Variants in ARL17B observed in about 807,000 individuals in gnomAD.
ARL17B encodes the protein ADP-ribosylation factor-like protein 17.
chr17:46,278,396 A>AT (rs1255080603), intron 4 of ARL17B, among the ~76,000 whole-genome samples: 45 of 136,118 alleles, frequency 3.3e-4, no homozygotes, highest in East Asian at 1.8e-3. Context: ...GTTTTGTTTT[A>AT]TTTTGTTTTT....
At chr17:46,326,947 T>C (rs2093500921) in intron 3 of ARL17B, among the ~76,000 whole-genome samples, 1 of 70,264 alleles carries the variant, frequency 1.4e-5, no homozygotes, top group East Asian at 2.7e-4. Flanking sequence ...ATTTACGTAT[T>C]GGAAAAAATT....
At position 46,306,484 on chromosome 17, in the gene ARL17B, G is replaced by T. The variant is rs1182814881; in HGVS notation, c.260-6819C>A. ...ACAAAGAGGCCAAGAGACTTATGTAGCTTATATATGACCTCCTCTGCTTGT... is the reference window on the plus strand; with the variant it reads ...ACAAAGAGGCCAAGAGACTTATGTATCTTATATATGACCTCCTCTGCTTGT... On this transcript the variant is annotated intron_variant, in intron 3 of 4. Coordinates refer to the ARL17B transcript ENST00000434041. Among the ~76,000 whole-genome samples, 3 of 75,540 alleles carry T rather than the reference G, an allele frequency of 4.0e-5. 1 individual carries two copies. In the Admixed American group the frequency reaches 4.2e-4, roughly 11 times the overall value. 49.6% of individuals were successfully genotyped at this position (75,540 alleles called of 152,430 possible). A position where few individuals can be genotyped will look rare whatever the true frequency, so the allele number is the denominator to read the frequency against.
chr17:46,283,770 G>T (rs2049833129), intron 4 of ARL17B, among the ~76,000 whole-genome samples: 1 of 152,332 alleles, frequency 6.6e-6, no homozygotes. Flanking sequence ...GCCGGCCTCT[G>T]AGTTCCCTTC....
chr17:46,340,897 C>G lies in ARL17B; in HGVS notation c.260-1123G>C, dbSNP rs2052506335. On this transcript the variant is annotated intron_variant, in intron 3 of 3. Transcript: ENST00000450673. ...GGATCTCTAGCCTAGAAAAAGGGACCTCTTTTATTCTTTTTTTTTTTTTTT... is the reference window on the plus strand; with the variant it reads ...GGATCTCTAGCCTAGAAAAAGGGACGTCTTTTATTCTTTTTTTTTTTTTTT... Among the ~76,000 whole-genome samples, 3 of 81,056 alleles carry G rather than the reference C, an allele frequency of 3.7e-5. 1 individual carries two copies. Among genetic ancestry groups the G allele is most frequent in the African/African-American group, 1.1e-4 (3 of 28,100 alleles). 53.2% of individuals were successfully genotyped at this position (81,056 alleles called of 152,430 possible). A position where few individuals can be genotyped will look rare whatever the true frequency, so the allele number is the denominator to read the frequency against.
At chr17:46,287,937 C>T (rs571758215) in intron 4 of ARL17B, among the ~76,000 whole-genome samples, 2 of 152,312 alleles carry the variant, frequency 1.3e-5, no homozygotes, top group African/African-American at 4.8e-5. Context: ...TTGATAGGCA[C>T]AGTGTAGGAA....
intron 4 of ARL17B, among the ~76,000 whole-genome samples, chr17:46,278,213 T>A (rs1411799194): frequency 6.6e-6 from 1 of 152,178 alleles, no homozygotes; most frequent in Non-Finnish European, 1.5e-5. Flanking sequence ...TCCCAAGTGC[T>A]GGGATTACAG....
At chr17:46,340,390 A>T (rs1358325432) in intron 3 of ARL17B, among the ~76,000 whole-genome samples, 17 of 48,210 alleles carry the variant, frequency 3.5e-4, no homozygotes, top group South Asian at 1.6e-3. Flanking sequence ...TAATTTTTGT[A>T]TTTTTAGTAG....
chr17:46,278,395 T>C (rs2049652824), intron 4 of ARL17B, among the ~76,000 whole-genome samples: 1 of 143,104 alleles, frequency 7.0e-6, no homozygotes, highest in South Asian at 2.1e-4. Flanking sequence ...TGTTTTGTTT[T>C]ATTTTGTTTT....
At chr17:46,284,760 G>GATA (rs1173871491) in intron 4 of ARL17B, among the ~76,000 whole-genome samples, 3 of 152,256 alleles carry the variant, frequency 2.0e-5, no homozygotes, top group Non-Finnish European at 4.4e-5. Context: ...TGTGATGTTA[G>GATA]ATAACATTCA....
intron 4 of ARL17B, among the ~76,000 whole-genome samples, chr17:46,285,932 A>G (rs566832753): frequency 1.2e-4 from 19 of 152,364 alleles, no homozygotes; most frequent in African/African-American, 4.3e-4. Context: ...TCAACTCCTC[A>G]TCATCCTTCT....
chr17:46,275,938 T>A (rs2049575001), intron 4 of ARL17B, among the ~76,000 whole-genome samples: 1 of 152,166 alleles, frequency 6.6e-6, no homozygotes, highest in African/African-American at 2.4e-5. Flanking sequence ...GTCCCCAGGC[T>A]GTAGTGCAAA....
chr17:46,350,558 G>GT lies in ARL17B; in HGVS notation c.259+2261dup, dbSNP rs1178176931. On this transcript the variant is annotated intron_variant, in intron 3 of 3. Coordinates refer to ENST00000450673, the MANE Select transcript of ARL17B (RefSeq NM_001039083.5). Reference sequence around the variant, plus strand: ...CCAAATCCAGAATGTGGAATAAGCAGTTAAAAAAAAAAAAAAAGGGGGGGG... The same window carrying GT: ...CCAAATCCAGAATGTGGAATAAGCAGTTTAAAAAAAAAAAAAAAGGGGGGGG... 4.4e-5 allele frequency among the ~76,000 whole-genome samples: 3 copies of GT among 68,780 alleles called. 1 individual carries two copies. The East Asian group carries it at 9.7e-4, about 22-fold the overall frequency. The allele number at this position is 68,780 out of a possible 152,430, so 45.1% of individuals were successfully genotyped here. A position where few individuals can be genotyped will look rare whatever the true frequency, so the allele number is the denominator to read the frequency against.
intron 4 of ARL17B, among the ~76,000 whole-genome samples, chr17:46,291,985 A>AAAAAAAAAAAAAGAAAAAAAAC (rs1360524355): frequency 1.3e-5 from 1 of 76,592 alleles, no homozygotes; most frequent in Non-Finnish European, 2.8e-5. Flanking sequence ...AAAAAAAAAA[A>AAAAAAAAAAAAAGAAAAAAAAC]AAGCCAATAA....
intron 4 of ARL17B, among the ~76,000 whole-genome samples, chr17:46,290,722 T>C (rs62073177): frequency 6.6e-6 from 1 of 151,086 alleles, no homozygotes; most frequent in Non-Finnish European, 1.5e-5. Context: ...GCTGGGATTA[T>C]AGGCATGAGC....
intron 4 of ARL17B, among the ~76,000 whole-genome samples, chr17:46,285,241 CTTTTTT>C (rs56201620): frequency 2.2e-5 from 3 of 138,424 alleles, no homozygotes; most frequent in Non-Finnish European, 4.7e-5. Context: ...CTTTTCTTTC[CTTTTTT>C]TTTTTTTTTT....
chr17:46,286,802 C>G (rs1438162121), intron 4 of ARL17B, among the ~76,000 whole-genome samples: 3 of 152,278 alleles, frequency 2.0e-5, no homozygotes, highest in Non-Finnish European at 4.4e-5. Context: ...CTCACTGTGA[C>G]TGCAGGTGTT....
Position 46,292,732 on chromosome 17 carries a change from C to T in ARL17B, c.*21+6794G>A, listed in dbSNP as rs2941959. ...TTAAGAATGATTGCGCTACAGCTTTCGAAAACTATAATGCCTTTCAAATAT... is the reference window on the plus strand; with the variant it reads ...TTAAGAATGATTGCGCTACAGCTTTTGAAAACTATAATGCCTTTCAAATAT... On this transcript the variant is annotated intron_variant, in intron 4 of 4. Coordinates refer to the ARL17B transcript ENST00000570618. 1.1e-4 allele frequency: 9 copies of T among 78,772 alleles called. 2 individuals are homozygous for T. The highest frequency in any genetic ancestry group is 5.9e-4 in the South Asian group (1 of 1,698). The allele number at this position is 78,772 out of a possible 1,614,324, so 4.9% of individuals were successfully genotyped here.
rs1312405775 is a variant in ARL17B, at chr17:46,280,596, C to G, written c.*22-5178G>C. 6.3e-5 allele frequency among the ~76,000 whole-genome samples: 7 copies of G among 110,716 alleles called. No individual in the cohort carries two copies. In the Middle Eastern group the frequency reaches 0.031, roughly 487 times the overall value. The allele number at this position is 110,716 out of a possible 152,430, so 72.6% of individuals were successfully genotyped here. A position where few individuals can be genotyped will look rare whatever the true frequency, so the allele number is the denominator to read the frequency against. ...TTTTTTTTTTTTTTTTTTTCCTGAGCAGAGTCTCACTCTGACACCCAGGCT... is the reference window on the plus strand; with the variant it reads ...TTTTTTTTTTTTTTTTTTTCCTGAGGAGAGTCTCACTCTGACACCCAGGCT... On this transcript the variant is annotated intron_variant, in intron 4 of 4. Transcript: ENST00000570618.
At chr17:46,282,417 G>GT (rs34484022) in intron 4 of ARL17B, among the ~76,000 whole-genome samples, 16,345 of 144,084 alleles carry the variant, frequency 0.11, 934 homozygotes, top group East Asian at 0.27. Context: ...TTTTTTGTTT[G>GT]TTTTTTTTTT....
Sources: gnomAD v4.1 joint callset for allele counts (sites outside exome capture counted in the v4.1 genomes callset) on GRCh38, gnomAD v4.1.1 for gene constraint, MANE v1.5 for transcripts, NCBI Gene and HGNC (gene_info 2026-07-23, HGNC 2026-07-21) for gene names.